Variants in LLPH observed in about 807,000 individuals in gnomAD.
LLPH encodes the protein protein LLP homolog.
A neutral mutation model predicts 13.3 loss-of-function variants in LLPH; 5 were observed. The ratio of observed to expected loss-of-function variants is 0.38; its 90% CI spans 0.20 to 0.79. The LOEUF (loss-of-function observed/expected upper bound fraction) is 0.79. LLPH is among the 30% of genes least tolerant of loss of function. LLPH has a pLI of 0.45. For synonymous variants in LLPH, 32 were observed against 44.2 expected, an observed-to-expected ratio of 0.72 and a Z score of 1.09; for missense variants, 129 against 152.1, an observed-to-expected ratio of 0.85 and a Z score of 0.80.
intron 2 of LLPH, among the ~76,000 whole-genome samples, chr12:66,125,176 G>C (rs990988194): frequency 6.6e-6 from 1 of 152,176 alleles, no homozygotes; most frequent in Non-Finnish European, 1.5e-5. Flanking sequence ...GATCACACTG[G>C]TGGATATGTA....
In LLPH at chr12:66,117,178, C is replaced by T. The variant is rs2051433650; in HGVS notation, c.*6662G>A. Reference sequence around the variant, plus strand: ...ATGAATTCTGCATTTGGGGCTTCGTCCTGAGATAAAAAATATTCAAAAGAA... The same window carrying T: ...ATGAATTCTGCATTTGGGGCTTCGTTCTGAGATAAAAAATATTCAAAAGAA... On this transcript the variant is annotated 3_prime_UTR_variant, in exon 3 of 3. Coordinates refer to ENST00000266604, the MANE Select transcript of LLPH (RefSeq NM_032338.4). 1 of 152,154 alleles carries T rather than the reference C, an allele frequency of 6.6e-6. No individual in the cohort carries two copies. The highest frequency in any genetic ancestry group is 6.6e-5 in the Admixed American group (1 of 15,266). The allele number at this position is 152,154 out of a possible 1,614,324, so 9.4% of individuals were successfully genotyped here.
At chr12:66,129,338 T>C (rs910211419) in intron 1 of LLPH, among the ~76,000 whole-genome samples, 1 of 151,926 alleles carries the variant, frequency 6.6e-6, no homozygotes, top group Non-Finnish European at 1.5e-5. Context: ...CTTGTGGTCA[T>C]AAGCAAACTA....
chr12:66,124,802 G>A (rs976419230), intron 2 of LLPH, among the ~76,000 whole-genome samples: 1 of 152,228 alleles, frequency 6.6e-6, no homozygotes, highest in Non-Finnish European at 1.5e-5. Context: ...TTTAGGTGCT[G>A]TTCTAGTTTA....
In LLPH at chr12:66,123,010, C is replaced by G. The variant is rs1008780392; in HGVS notation, c.*830G>C. 1.3e-5 allele frequency: 2 copies of G among 151,888 alleles called. No homozygotes were observed. Among genetic ancestry groups the G allele is most frequent in the Non-Finnish European group, 2.9e-5 (2 of 67,992 alleles). The allele number at this position is 151,888 out of a possible 1,614,324, so 9.4% of individuals were successfully genotyped here. On this transcript the variant is annotated 3_prime_UTR_variant, in exon 3 of 3. Coordinates refer to ENST00000266604, the MANE Select transcript of LLPH (RefSeq NM_032338.4). ...AAACATTTAATTGAAATCTGGTCTT[C>G]TCTAGGACTAAAAAACCTTAAGCAT... is the stretch of plus-strand genomic sequence containing the variant.
In LLPH at chr12:66,123,701, T is replaced by A. The variant is rs1214844237; in HGVS notation, c.*139A>T. ...ACAAACTTGAGGAGTTATGCTGGGT[T>A]TGAATTGAAGAAAAAAGGCCAAGTT... On this transcript the variant is annotated 3_prime_UTR_variant, in exon 3 of 3. Coordinates refer to ENST00000266604, the MANE Select transcript of LLPH (RefSeq NM_032338.4). The A allele has an allele frequency of 1.0e-5, 8 of 796,166 alleles. No homozygotes were observed. In the Admixed American group the frequency reaches 1.4e-4, roughly 14 times the overall value. The allele number at this position is 796,166 out of a possible 1,614,324, so 49.3% of individuals were successfully genotyped here. A position where few individuals can be genotyped will look rare whatever the true frequency, so the allele number is the denominator to read the frequency against.
intron 2 of LLPH, among the ~76,000 whole-genome samples, chr12:66,125,857 T>C (rs187173920): frequency 6.6e-6 from 1 of 152,234 alleles, no homozygotes; most frequent in African/African-American, 2.4e-5. Flanking sequence ...AGTAAAGGAA[T>C]GGAAGGGCTT....
At chr12:66,126,336 T>A (rs200951943) in intron 2 of LLPH, among the ~76,000 whole-genome samples, 52 of 131,608 alleles carry the variant, frequency 4.0e-4, no homozygotes, top group East Asian at 4.5e-4. Flanking sequence ...AAAAAAAAAG[T>A]AAAAAAAAAA....
At position 66,123,672 on chromosome 12, in the gene LLPH, C is replaced by T; in HGVS notation, c.*168G>A. The T allele has an allele frequency of 1.5e-6, 1 of 648,152 alleles. No homozygotes were observed. Among genetic ancestry groups the T allele is most frequent in the Non-Finnish European group, 2.6e-6 (1 of 384,172 alleles). 40.2% of individuals were successfully genotyped at this position (648,152 alleles called of 1,614,324 possible). On this transcript the variant is annotated 3_prime_UTR_variant, in exon 3 of 3. Transcript: ENST00000266604. ...AAAGAAAATATTTTATTCAAGTTCC[C>T]AAAACAAACTTGAGGAGTTATGCTG... is the stretch of plus-strand genomic sequence containing the variant.
chr12:66,119,012 G>T lies in LLPH; in HGVS notation c.*4828C>A, dbSNP rs959460042. On this transcript the variant is annotated 3_prime_UTR_variant, in exon 3 of 3. Coordinates refer to ENST00000266604, the MANE Select transcript of LLPH (RefSeq NM_032338.4). ...GCCCATTTCAGCTCCCAAAATCTTG[G>T]TTAGAAGGCGCTTCCTTAAATCAAA... The T allele has an allele frequency of 2.6e-5, 4 of 152,100 alleles. No homozygotes were observed. The highest frequency in any genetic ancestry group is 9.7e-5 in the African/African-American group (4 of 41,400). 9.4% of individuals were successfully genotyped at this position (152,100 alleles called of 1,614,324 possible). A position where few individuals can be genotyped will look rare whatever the true frequency, so the allele number is the denominator to read the frequency against.
chr12:66,126,009 A>T (rs1255669188), intron 2 of LLPH, among the ~76,000 whole-genome samples: 1 of 152,200 alleles, frequency 6.6e-6, no homozygotes, highest in African/African-American at 2.4e-5. Flanking sequence ...TTTACAAAAC[A>T]CAAAGAACAC....
Position 66,121,959 on chromosome 12 carries a change from G to A in LLPH, c.*1881C>T, listed in dbSNP as rs751104098. On this transcript the variant is annotated 3_prime_UTR_variant, in exon 3 of 3. Transcript: ENST00000266604. Reference sequence around the variant, plus strand: ...GATATTGTCAGTGGCTTAACTGGTTGTTTGCAATTTTTTTTATTTTATGAA... The same window carrying A: ...GATATTGTCAGTGGCTTAACTGGTTATTTGCAATTTTTTTTATTTTATGAA... 1 of 149,674 alleles carries A rather than the reference G, an allele frequency of 6.7e-6. No homozygotes were observed. The highest frequency in any genetic ancestry group is 2.0e-4 in the East Asian group (1 of 5,128). The allele number at this position is 149,674 out of a possible 1,614,324, so 9.3% of individuals were successfully genotyped here.
rs1336753534 is a variant in LLPH at position 66,123,914 on chromosome 12, T to A, written c.316A>T (p.Lys106Ter). The A allele has an allele frequency of 6.2e-7, 1 of 1,612,860 alleles. No homozygotes were observed. The highest frequency in any genetic ancestry group is 1.7e-5 in the Admixed American group (1 of 60,018). Residue 106 changes from lysine to a stop codon, truncating the protein, a stop_gained, in exon 3 of 3, where the codon AAG becomes TAG. Coordinates refer to ENST00000266604, the MANE Select transcript of LLPH (RefSeq NM_032338.4). LOFTEE classifies it high-confidence loss of function. ...CCCTTTCTTTTCTCTCGCTTTGCCT[T>A]CAGCCTTTTTCTTTGCCTTTGGTTC... Reference protein sequence around the residue: ...WMNQRQRKRLKAKREKRKGKS... With the variant: ...WMNQRQRKRL
chr12:66,129,463 G>A (rs1052466765), intron 1 of LLPH, among the ~76,000 whole-genome samples: 6 of 151,138 alleles, frequency 4.0e-5, no homozygotes, highest in Middle Eastern at 3.4e-3. Context: ...TCAGCTCACT[G>A]CAACCTCCAC....
At chr12:66,130,383 TCA>T (rs1360858645) in intron 1 of LLPH, 2 of 152,202 alleles carry the variant, frequency 1.3e-5, no homozygotes, top group Non-Finnish European at 2.9e-5. Flanking sequence ...ACGCCGGCAA[TCA>T]CAGTCATTCC....
In LLPH at chr12:66,121,921, C is replaced by T. The variant is rs1489520604; in HGVS notation, c.*1919G>A. 2.0e-5 allele frequency: 3 copies of T among 149,734 alleles called. No individual in the cohort carries two copies. Among genetic ancestry groups the T allele is most frequent in the African/African-American group, 7.4e-5 (3 of 40,650 alleles). 9.3% of individuals were successfully genotyped at this position (149,734 alleles called of 1,614,324 possible). A position where few individuals can be genotyped will look rare whatever the true frequency, so the allele number is the denominator to read the frequency against. On this transcript the variant is annotated 3_prime_UTR_variant, in exon 3 of 3. Transcript: ENST00000266604. ...AAAAAAAACATAAATAATTCAGCTA[C>T]TGTATTTAGGCTGATATTGTCAGTG...
In LLPH at chr12:66,130,491, G is replaced by C. The variant is rs763854754; in HGVS notation, c.-8+214C>G. On this transcript the variant is annotated intron_variant, in intron 1 of 2. Coordinates refer to ENST00000266604, the MANE Select transcript of LLPH (RefSeq NM_032338.4). ...GAAGTTAACTTCAGCGGGAGTGAAC[G>C]ACAGGGGTGGGCTCCACTTTATCCA... The C allele has an allele frequency of 4.6e-5, 7 of 152,230 alleles. No individual in the cohort carries two copies. The East Asian group carries it at 1.4e-3, about 29-fold the overall frequency. 9.4% of individuals were successfully genotyped at this position (152,230 alleles called of 1,614,324 possible).
chr12:66,126,573 A>G (rs1177153334), intron 2 of LLPH, among the ~76,000 whole-genome samples: 1 of 152,152 alleles, frequency 6.6e-6, no homozygotes, highest in Non-Finnish European at 1.5e-5. Context: ...TAATTGAAAA[A>G]CGAGGCAAAA....
Position 66,122,940 on chromosome 12 carries a change from T to C in LLPH, c.*900A>G, listed in dbSNP as rs546642126. On this transcript the variant is annotated 3_prime_UTR_variant, in exon 3 of 3. Coordinates refer to ENST00000266604, the MANE Select transcript of LLPH (RefSeq NM_032338.4). ...AAATGTTCTAATTTCCTAAAAAGCA[T>C]ACTGATTTGTATATGTTAATATTCT... The C allele has an allele frequency of 3.3e-5, 5 of 152,234 alleles. No homozygotes were observed. Among genetic ancestry groups the C allele is most frequent in the Admixed American group, 2.0e-4 (3 of 15,300 alleles). The allele number at this position is 152,234 out of a possible 1,614,324, so 9.4% of individuals were successfully genotyped here.
chr12:66,127,299 CGTG>C (rs906046913), intron 2 of LLPH, among the ~76,000 whole-genome samples: 1 of 152,162 alleles, frequency 6.6e-6, no homozygotes, highest in African/African-American at 2.4e-5. Flanking sequence ...GGATATGAAA[CGTG>C]GTACATGCAA....
Sources: gnomAD v4.1 joint callset for allele counts (sites outside exome capture counted in the v4.1 genomes callset) on GRCh38, gnomAD v4.1.1 for gene constraint, MANE v1.5 for transcripts, NCBI Gene and HGNC (gene_info 2026-07-23, HGNC 2026-07-21) for gene names.